VEGFD: variants seen among roughly 807,000 people sequenced by gnomAD.
VEGFD encodes c-fos induced growth factor (vascular endothelial growth factor D).
A neutral mutation model predicts 28.0 loss-of-function variants in VEGFD; 26 were observed. The observed-to-expected ratio is 0.93, with a 90% CI of 0.68 to 1.29. The LOEUF (loss-of-function observed/expected upper bound fraction) is 1.29. VEGFD is among the 50% of genes most tolerant of loss of function. The pLI, the probability that VEGFD is intolerant of heterozygous loss-of-function variation, is 0.00. For synonymous variants in VEGFD, 93 were observed against 95.5 expected, an observed-to-expected ratio of 0.97 and a Z score of 0.15; for missense variants, 294 against 273.4, an observed-to-expected ratio of 1.08 and a Z score of -0.53.
Position 15,384,215 on chromosome X carries a change from C to A in VEGFD, c.-269G>T. 4.1e-6 allele frequency: 1 copy of A among 246,505 alleles called. No individual in the cohort carries two copies. 20.3% of individuals were successfully genotyped at this position (246,505 alleles called of 1,213,427 possible). A position where few individuals can be genotyped will look rare whatever the true frequency, so the allele number is the denominator to read the frequency against. ...ATCAGAAGGTGGACATGTCTTCTAC[C>A]TGAAATTAGAAAGCACTCTAAATTT... On this transcript the variant is annotated 5_prime_UTR_variant, in exon 1 of 7. The change creates a new upstream start codon in the 5' untranslated region. Transcript: ENST00000297904.
At chrX:15,373,100 C>T (rs1569187638) in intron 1 of VEGFD, among the ~76,000 whole-genome samples, 1 of 112,069 alleles carries the variant, frequency 8.9e-6, no homozygotes, top group Non-Finnish European at 1.9e-5. Flanking sequence ...CTTTAACCTA[C>T]TGAATTCAAC....
intron 4 of VEGFD, 49 bp from the exon 5 acceptor site, chrX:15,353,217 C>T (rs375517026): frequency 5.5e-6 from 4 of 721,517 alleles, no homozygotes; most frequent in Non-Finnish European, 8.1e-6. Context: ...CAAGGATAAT[C>T]AAAACTTTGG....
chrX:15,384,005 A>G lies in VEGFD; in HGVS notation c.-59T>C. ...AGTTGACATCAGGCAGCTAGAGAAA[A>G]TTGTTTCAAAAGGCATTCTCCAGAA... On this transcript the variant is annotated 5_prime_UTR_variant, in exon 1 of 7. Transcript: ENST00000297904. 1 of 936,620 alleles carries G rather than the reference A, an allele frequency of 1.1e-6. No homozygotes were observed. The highest frequency in any genetic ancestry group is 1.5e-6 in the Non-Finnish European group (1 of 649,092). The allele number at this position is 936,620 out of a possible 1,213,427, so 77.2% of individuals were successfully genotyped here.
At chrX:15,372,525 C>G (rs982913084) in intron 1 of VEGFD, among the ~76,000 whole-genome samples, 2 of 111,045 alleles carry the variant, frequency 1.8e-5, no homozygotes, top group Non-Finnish European at 3.8e-5. Context: ...AATACTGATG[C>G]TCGAATCTTA....
chrX:15,359,232 C>G (rs771801963), intron 2 of VEGFD, among the ~76,000 whole-genome samples: 67 of 110,207 alleles, frequency 6.1e-4, no homozygotes, highest in African/African-American at 1.8e-3. Flanking sequence ...TGATGGGATA[C>G]CACTTCCATG....
intron 3 of VEGFD, among the ~76,000 whole-genome samples, chrX:15,355,825 G>A (rs1361569354): frequency 8.1e-5 from 9 of 111,661 alleles, no homozygotes; most frequent in Non-Finnish European, 1.5e-4. Context: ...AACATAATCC[G>A]GCAGGCTTGC....
intron 1 of VEGFD, 69 bp from the exon 2 acceptor site, chrX:15,363,388 T>C (rs1341532106): frequency 1.2e-6 from 1 of 864,560 alleles, no homozygotes. Flanking sequence ...ATAATCTTCA[T>C]TTCTGACACT....
At chrX:15,362,451 C>G (rs1384587845) in intron 2 of VEGFD, among the ~76,000 whole-genome samples, 1 of 110,331 alleles carries the variant, frequency 9.1e-6, no homozygotes, top group Non-Finnish European at 1.9e-5. Flanking sequence ...GGATCTTGCT[C>G]TGTTGCCCAG....
intron 1 of VEGFD, among the ~76,000 whole-genome samples, chrX:15,364,868 G>A (rs1923107858): frequency 8.9e-6 from 1 of 112,347 alleles, no homozygotes; most frequent in South Asian, 3.7e-4. Context: ...AGCCTCAAAA[G>A]CTGTAGTTAA....
intron 5 of VEGFD, among the ~76,000 whole-genome samples, chrX:15,351,883 G>A (rs1010990820): frequency 1.2e-4 from 13 of 112,599 alleles, no homozygotes; most frequent in Non-Finnish European, 2.4e-4. Context: ...AATGTAAAAT[G>A]TGAGTTACAT....
intron 1 of VEGFD, among the ~76,000 whole-genome samples, chrX:15,380,508 GAC>G (rs1393231366): frequency 8.9e-6 from 1 of 112,668 alleles, no homozygotes; most frequent in Non-Finnish European, 1.9e-5. Context: ...GATAAAAAAA[GAC>G]AGTACACAGG....
In VEGFD at chrX:15,383,870, T is replaced by C. The variant is rs1364281447; in HGVS notation, c.77A>G (p.His26Arg). The change falls in exon 1 of 7, where the codon CAT becomes CGT. Residue 26 changes from histidine to arginine, a missense_variant. By Grantham distance (29) the His-to-Arg change is conservative (BLOSUM62 0). Transcript: ENST00000297904. ...GAGCTCACCTACCTTCACTGGTCCA[T>C]GTTCATTACTGGAGCCCTGCACCAG... ...VQLVQGSSNEHGPVKRSSQST... is the reference protein window; with the variant it reads ...VQLVQGSSNERGPVKRSSQST... 1 of 1,205,120 alleles carries C rather than the reference T, an allele frequency of 8.3e-7. No homozygotes were observed. The highest frequency in any genetic ancestry group is 1.1e-6 in the Non-Finnish European group (1 of 890,496).
chrX:15,360,003 T>G (rs1252394212), intron 2 of VEGFD, among the ~76,000 whole-genome samples: 1 of 112,453 alleles, frequency 8.9e-6, no homozygotes, highest in African/African-American at 3.2e-5. Flanking sequence ...AGGCAAACTC[T>G]CCTTTATTTT....
intron 1 of VEGFD, among the ~76,000 whole-genome samples, chrX:15,380,609 T>C (rs1230339455): frequency 8.8e-6 from 1 of 113,210 alleles, no homozygotes; most frequent in Non-Finnish European, 1.9e-5. Flanking sequence ...AATAGTGACA[T>C]GTCTTCATTA....
In VEGFD at chrX:15,383,978, G is replaced by T; in HGVS notation, c.-32C>A. 9.6e-7 allele frequency: 1 copy of T among 1,041,094 alleles called. No individual in the cohort carries two copies. The highest frequency in any genetic ancestry group is 1.3e-6 in the Non-Finnish European group (1 of 741,564). The allele number at this position is 1,041,094 out of a possible 1,213,427, so 85.8% of individuals were successfully genotyped here. A position where few individuals can be genotyped will look rare whatever the true frequency, so the allele number is the denominator to read the frequency against. Reference sequence around the variant, plus strand: ...TATTTCAATATCCACTGATTACTAAGCAGTTGACATCAGGCAGCTAGAGAA... The same window carrying T: ...TATTTCAATATCCACTGATTACTAATCAGTTGACATCAGGCAGCTAGAGAA... On this transcript the variant is annotated 5_prime_UTR_variant, in exon 1 of 7. Coordinates refer to ENST00000297904, the MANE Select transcript of VEGFD (RefSeq NM_004469.5).
At chrX:15,348,721 C>T (rs566804775) in intron 5 of VEGFD, among the ~76,000 whole-genome samples, 2 of 112,563 alleles carry the variant, frequency 1.8e-5, no homozygotes, top group South Asian at 7.3e-4. Context: ...GTGCATATTG[C>T]TGTCCGATTC....
chrX:15,374,560 G>A (rs1365233439), intron 1 of VEGFD, among the ~76,000 whole-genome samples: 1 of 111,894 alleles, frequency 8.9e-6, no homozygotes, highest in Non-Finnish European at 1.9e-5. Flanking sequence ...GATTGCCAGA[G>A]GTTGGGAGGC....
intron 1 of VEGFD, among the ~76,000 whole-genome samples, chrX:15,382,900 G>A (rs1318582065): frequency 8.1e-5 from 9 of 111,608 alleles, no homozygotes; most frequent in African/African-American, 1.6e-4. Context: ...AATGTATAAC[G>A]TATTTTAAAC....
At chrX:15,366,994 AGT>A (rs913812780) in intron 1 of VEGFD, among the ~76,000 whole-genome samples, 9 of 112,178 alleles carry the variant, frequency 8.0e-5, no homozygotes, top group African/African-American at 2.6e-4. Context: ...TCCAGATGTG[AGT>A]GTGTGTCTGT....
Sources: allele counts gnomAD v4.1 joint callset (sites outside exome capture counted in the v4.1 genomes callset), GRCh38; gene constraint gnomAD v4.1.1; transcripts MANE v1.5; gene names NCBI Gene and HGNC (gene_info 2026-07-23, HGNC 2026-07-21).